Variants in MINDY3 observed in about 807,000 individuals in gnomAD.
MINDY3 encodes the protein ubiquitin carboxyl-terminal hydrolase MINDY-3.
In MINDY3, 38 loss-of-function variants were observed where a neutral mutation model predicts 69.2. That is an observed-to-expected ratio of 0.55 (90% CI 0.42 to 0.72). The LOEUF is 0.72. MINDY3 is among the 30% of genes least tolerant of loss of function. The pLI, the probability that MINDY3 is intolerant of heterozygous loss-of-function variation, is 0.00. For synonymous variants in MINDY3, 192 were observed against 180.1 expected (o/e 1.07, Z -0.53); for missense variants, 522 against 519.0 (o/e 1.01, Z -0.06).
At chr10:15,810,722 A>C (rs780670404) in intron 10 of MINDY3, among the ~76,000 whole-genome samples, 1 of 152,188 alleles carries the variant, frequency 6.6e-6, no homozygotes, top group Non-Finnish European at 1.5e-5. Flanking sequence ...ACAGTAGGTG[A>C]CAAAACACAA....
rs574424289 is a variant in MINDY3, at chr10:15,831,206, TA to T, written c.730+2423del. On this transcript the variant is annotated intron_variant, in intron 8 of 14. Transcript: ENST00000277632. ...AAGGGTTACAATGTGCAGTCAGCAG[TA>T]AGAGTTTAAATGAGTTTAAGTAGGA... 8.5e-5 allele frequency among the ~76,000 whole-genome samples: 13 copies of T among 152,196 alleles called. No homozygotes were observed. In the South Asian group the frequency reaches 2.7e-3, roughly 32 times the overall value.
Position 15,847,942 on chromosome 10 carries a change from C to T in MINDY3, c.96G>A (p.Gly32=). ...SDTIFCRWTQ[G]FVFSESEGSA... Reference sequence around the variant, plus strand: ...ATCCCTCTGATTCACTAAACACAAACCCTAAAAATGAAAGCAAGTAGGAAA... The same window carrying T: ...ATCCCTCTGATTCACTAAACACAAATCCTAAAAATGAAAGCAAGTAGGAAA... The change falls in exon 2 of 15, where the codon GGG becomes GGA. Residue 32 remains glycine (G), a splice_region_variant and synonymous_variant. Transcript: ENST00000277632. The T allele has an allele frequency of 2.5e-6, 4 of 1,613,034 alleles. No individual in the cohort carries two copies. The highest frequency in any genetic ancestry group is 3.4e-6 in the Non-Finnish European group (4 of 1,179,110).
chr10:15,782,813 G>A (rs1388762734), intron 13 of MINDY3, among the ~76,000 whole-genome samples: 1 of 152,122 alleles, frequency 6.6e-6, no homozygotes, highest in Non-Finnish European at 1.5e-5. Flanking sequence ...AATAAAGAAA[G>A]GATATCCTAT....
rs753869637 is a variant in MINDY3, at chr10:15,860,316, G to A, written c.-17C>T. On this transcript the variant is annotated 5_prime_UTR_variant, in exon 1 of 15. Coordinates refer to ENST00000277632, the MANE Select transcript of MINDY3 (RefSeq NM_024948.4). ...TTCGGACATGATGAGGAACCGGCGG[G>A]CGGATCTTCGCTTTGCGGACTCCTG... 7 of 1,566,336 alleles carry A rather than the reference G, an allele frequency of 4.5e-6. No individual in the cohort carries two copies. The East Asian group carries it at 1.4e-4, about 31-fold the overall frequency.
At chr10:15,817,667 G>C (rs1240957422) in intron 9 of MINDY3, 1 of 152,190 alleles carries the variant, frequency 6.6e-6, no homozygotes, top group Non-Finnish European at 1.5e-5. Flanking sequence ...CTCATATGAA[G>C]ACAGAAACTT....
intron 10 of MINDY3, among the ~76,000 whole-genome samples, chr10:15,797,724 C>T (rs1226374389): frequency 6.6e-6 from 1 of 152,116 alleles, no homozygotes; most frequent in Non-Finnish European, 1.5e-5. Context: ...CCAATACAGC[C>T]TTAGCTCTAT....
chr10:15,794,081 G>A (rs1837626407), intron 11 of MINDY3, among the ~76,000 whole-genome samples: 1 of 152,004 alleles, frequency 6.6e-6, no homozygotes, highest in African/African-American at 2.4e-5. Context: ...AGGGGTGGGA[G>A]CTAAAAGTGA....
Position 15,795,456 on chromosome 10 carries a change from A to T in MINDY3, c.955+644T>A, listed in dbSNP as rs548738149. On this transcript the variant is annotated intron_variant, in intron 11 of 14. Transcript: ENST00000277632. Reference sequence around the variant, plus strand: ...CGGATACAGCAACTTCCATTTCTACACGGTACTTCGTAAGGGAACTCTGAA... The same window carrying T: ...CGGATACAGCAACTTCCATTTCTACTCGGTACTTCGTAAGGGAACTCTGAA... Among the ~76,000 whole-genome samples, 8 of 152,170 alleles carry T rather than the reference A, an allele frequency of 5.3e-5. No homozygotes were observed. The South Asian group carries it at 1.7e-3, about 32-fold the overall frequency.
intron 10 of MINDY3, among the ~76,000 whole-genome samples, chr10:15,809,903 A>G (rs1838883143): frequency 6.6e-6 from 1 of 152,160 alleles, no homozygotes; most frequent in South Asian, 2.1e-4. Context: ...AATATGATTT[A>G]TAAAACATGG....
chr10:15,801,129 A>G (rs559310706), intron 10 of MINDY3, among the ~76,000 whole-genome samples: 3 of 152,172 alleles, frequency 2.0e-5, no homozygotes, highest in African/African-American at 7.2e-5. Context: ...AGAAGAAAGA[A>G]TATCTGCCTG....
At chr10:15,816,766 C>G (rs1457485231) in intron 10 of MINDY3, 69 bp downstream of exon 10, 1 of 1,106,490 alleles carries the variant, frequency 9.0e-7, no homozygotes, top group African/African-American at 1.6e-5. Flanking sequence ...AGATCCAAAC[C>G]AAATATGAAC....
chr10:15,844,440 A>G (rs1833690856), intron 2 of MINDY3, among the ~76,000 whole-genome samples: 1 of 152,270 alleles, frequency 6.6e-6, no homozygotes, highest in East Asian at 1.9e-4. Context: ...TTTTAATTTT[A>G]TTACAAGTGA....
intron 8 of MINDY3, among the ~76,000 whole-genome samples, chr10:15,829,546 C>T (rs569168382): frequency 1.9e-4 from 29 of 152,244 alleles, no homozygotes; most frequent in Admixed American, 4.6e-4. Context: ...GGGTTGAGTA[C>T]GAACACAGAG....
rs770085438 is a variant in MINDY3, at chr10:15,841,428, G to A, written c.407C>T (p.Ser136Phe). The A allele has an allele frequency of 6.2e-7, 1 of 1,604,858 alleles. No homozygotes were observed. Among genetic ancestry groups the A allele is most frequent in the Non-Finnish European group, 8.5e-7 (1 of 1,175,612 alleles). Residue 136 changes from serine (S) to phenylalanine (F), a missense_variant and splice_region_variant, in exon 4 of 15, where the codon TCT becomes TTT. Transcript: ENST00000277632. ...CAGGAAATAAAAATATATCTTACAA[G>A]AATGTTCCACTTGGCAACTAGACTC... ...PAESSCQVEH[S>F]SALAVEELGF...
chr10:15,792,264 G>A (rs552151576), intron 11 of MINDY3, among the ~76,000 whole-genome samples: 12 of 152,154 alleles, frequency 7.9e-5, no homozygotes, highest in African/African-American at 2.6e-4. Context: ...TCCCCAGTGG[G>A]CAATGAGTTC....
At chr10:15,848,674 T>TAAAAAAAAA (rs1834048557) in intron 1 of MINDY3, among the ~76,000 whole-genome samples, 33 of 115,734 alleles carry the variant, frequency 2.9e-4, no homozygotes, top group African/African-American at 1.1e-3. Context: ...AAAGAAAAAT[T>TAAAAAAAAA]AAATGGCATT....
At chr10:15,803,292 C>T (rs542783951) in intron 10 of MINDY3, among the ~76,000 whole-genome samples, 17 of 152,210 alleles carry the variant, frequency 1.1e-4, no homozygotes, top group Non-Finnish European at 2.5e-4. Flanking sequence ...TAAACACTTG[C>T]AAACAGGGTT....
intron 1 of MINDY3, among the ~76,000 whole-genome samples, chr10:15,856,543 A>AT (rs1554822374): frequency 6.6e-6 from 1 of 152,144 alleles, no homozygotes; most frequent in Non-Finnish European, 1.5e-5. Context: ...AAAAATGGCT[A>AT]TAAGAGTTTA....
intron 10 of MINDY3, among the ~76,000 whole-genome samples, chr10:15,808,444 T>C (rs1369364214): frequency 6.6e-6 from 1 of 152,148 alleles, no homozygotes; most frequent in African/African-American, 2.4e-5. Context: ...GAAATGTCGA[T>C]GTAGAACTGT....
Sources: allele counts gnomAD v4.1 joint callset (sites outside exome capture counted in the v4.1 genomes callset), GRCh38; gene constraint gnomAD v4.1.1; transcripts MANE v1.5; gene names NCBI Gene and HGNC (gene_info 2026-07-23, HGNC 2026-07-21).